The following TENM1 variants were observed in gnomAD, a reference collection of about 807,000 sequenced individuals.
The protein encoded by TENM1 is teneurin transmembrane protein 1, also known as teneurin-1.
A neutral mutation model predicts 174.8 loss-of-function variants in TENM1; 35 were observed. The observed-to-expected ratio is 0.20, with a 90% CI of 0.15 to 0.27. The LOEUF (loss-of-function observed/expected upper bound fraction) is 0.27, where lower values mean the gene tolerates loss of function less well. Ranked by LOEUF, TENM1 falls within the 10% of genes least tolerant of loss-of-function variation. TENM1 has a pLI of 1.00. For synonymous variants in TENM1, 781 were observed against 798.7 expected (o/e 0.98, Z 0.37); for missense variants, 1,633 against 2,130.1 (o/e 0.77, Z 4.59).
At chrX:124,576,388 A>T (rs1297061385) in intron 11 of TENM1, among the ~76,000 whole-genome samples, 1 of 111,100 alleles carries the variant, frequency 9.0e-6, no homozygotes, top group Admixed American at 9.6e-5. Flanking sequence ...AAGGCTCATG[A>T]TCTGTCATGA....
chrX:124,396,632 C>T (rs1281064067), intron 27 of TENM1, among the ~76,000 whole-genome samples: 2 of 110,894 alleles, frequency 1.8e-5, no homozygotes, highest in Non-Finnish European at 3.8e-5. Flanking sequence ...TGCTCACGTG[C>T]CACCAGCCTC....
the TENM1 span, among the ~76,000 whole-genome samples, chrX:124,988,458 G>C: frequency 3.6e-5 from 4 of 111,831 alleles, no homozygotes; most frequent in African/African-American, 1.3e-4. Flanking sequence ...TTTTGAACTA[G>C]AGAATTTCAC....
intron 29 of TENM1, 88 bp from the exon 33 acceptor site, chrX:124,384,942 G>A (rs2060201589): frequency 1.2e-6 from 1 of 854,853 alleles, no homozygotes; most frequent in Non-Finnish European, 1.6e-6. Flanking sequence ...TTTAGTACTG[G>A]TGCTTTTATA....
chrX:124,984,371 G>A, the TENM1 span, among the ~76,000 whole-genome samples: 2 of 112,359 alleles, frequency 1.8e-5, no homozygotes, highest in African/African-American at 3.2e-5. Context: ...TAATTGGGAC[G>A]AAACGGGTTA....
intron 13 of TENM1, 25 bp from the exon 17 acceptor site, chrX:124,561,842 A>G (rs766103120): frequency 8.3e-7 from 1 of 1,203,642 alleles, no homozygotes; most frequent in Admixed American, 2.2e-5. Context: ...GAGAGTAACC[A>G]TCACAGAGAC....
chrX:124,411,533 A>T (rs757546520), intron 25 of TENM1, among the ~76,000 whole-genome samples: 1 of 111,089 alleles, frequency 9.0e-6, no homozygotes, highest in African/African-American at 3.3e-5. Context: ...TAAACAAAGC[A>T]CCCCAACTCC....
At chrX:125,119,836 G>A in the TENM1 span, among the ~76,000 whole-genome samples, 4 of 111,069 alleles carry the variant, frequency 3.6e-5, no homozygotes, top group African/African-American at 1.3e-4. Context: ...GATGAAAATG[G>A]AAATGAATGG....
chrX:124,823,972 T>C (rs1044468253), intron 3 of TENM1, among the ~76,000 whole-genome samples: 1 of 111,599 alleles, frequency 9.0e-6, no homozygotes, highest in African/African-American at 3.2e-5. Flanking sequence ...AAACACCCCA[T>C]GCCAGTTTTC....
the TENM1 span, among the ~76,000 whole-genome samples, chrX:125,189,884 C>T: frequency 8.9e-6 from 1 of 111,973 alleles, no homozygotes; most frequent in Non-Finnish European, 1.9e-5. Flanking sequence ...CAAATTTTTA[C>T]TTTTTAAAAA....
intron 3 of TENM1, among the ~76,000 whole-genome samples, chrX:124,789,328 C>T (rs1431720974): frequency 2.7e-5 from 3 of 110,941 alleles, no homozygotes; most frequent in African/African-American, 9.9e-5. Context: ...CTCTGACATG[C>T]CCTGGAGACA....
Position 124,579,087 on chromosome X carries a change from G to A in TENM1, c.2078-13527C>T, listed in dbSNP as rs183940641. ...TCTCAATTAAATTTTTCTTCATCTAGCCACCCTTGAGTCCTACAAATGTTG... is the reference window on the plus strand; with the variant it reads ...TCTCAATTAAATTTTTCTTCATCTAACCACCCTTGAGTCCTACAAATGTTG... On this transcript the variant is annotated intron_variant, in intron 11 of 31. Transcript: ENST00000422452. 6.7e-4 allele frequency among the ~76,000 whole-genome samples: 75 copies of A among 111,455 alleles called. 1 individual carries two copies. The highest frequency in any genetic ancestry group is 5.6e-3 in the Admixed American group (59 of 10,459).
intron 18 of TENM1, among the ~76,000 whole-genome samples, chrX:124,513,859 T>G (rs2047638540): frequency 8.9e-6 from 1 of 112,001 alleles, no homozygotes; most frequent in African/African-American, 3.2e-5. Flanking sequence ...TCCAGCTTCA[T>G]TCTACCAACT....
At chrX:124,801,945 T>G (rs1010923150) in intron 3 of TENM1, among the ~76,000 whole-genome samples, 1 of 112,054 alleles carries the variant, frequency 8.9e-6, no homozygotes, top group Admixed American at 9.4e-5. Context: ...TGGTTTCTGC[T>G]GAGAGGTTCA....
chrX:124,956,873 A>T (rs752382743), intron 1 of TENM1, among the ~76,000 whole-genome samples: 3,429 of 112,288 alleles, frequency 0.031, 82 homozygotes, highest in African/African-American at 0.088. Flanking sequence ...TCTTTCAAGG[A>T]TTTTGAAGGA....
chrX:124,705,131 G>A, exon 5 of TENM1: 2 of 1,211,393 alleles, frequency 1.7e-6, no homozygotes, highest in Non-Finnish European at 2.2e-6. Flanking sequence ...GTCGGGAAAA[G>A]GTGCTTCGAG....
intron 5 of TENM1, among the ~76,000 whole-genome samples, chrX:124,683,342 G>A (rs1431065022): frequency 3.6e-5 from 4 of 111,883 alleles, no homozygotes; most frequent in African/African-American, 9.7e-5. Flanking sequence ...AAGAGAATAC[G>A]TAATCCATTT....
exon 12 of TENM1, chrX:124,565,424 A>C: frequency 8.3e-7 from 1 of 1,209,165 alleles, no homozygotes. Context: ...CACATTTTCC[A>C]TCTTTGCATT....
At chrX:125,168,525 T>C in the TENM1 span, among the ~76,000 whole-genome samples, 1 of 111,591 alleles carries the variant, frequency 9.0e-6, no homozygotes, top group African/African-American at 3.3e-5. Flanking sequence ...CAACAGAATA[T>C]GGCAAAGGCA....
chrX:124,862,728 G>A (rs999343531), intron 3 of TENM1, among the ~76,000 whole-genome samples: 3 of 110,248 alleles, frequency 2.7e-5, no homozygotes, highest in Non-Finnish European at 5.7e-5. Context: ...GAGTCCTAGT[G>A]CTGAAGTAGG....
Sources: allele counts gnomAD v4.1 joint callset (sites outside exome capture counted in the v4.1 genomes callset), GRCh38; gene constraint gnomAD v4.1.1; transcripts MANE v1.5; gene names NCBI Gene and HGNC (gene_info 2026-07-23, HGNC 2026-07-21).